TANC1: variants seen among roughly 807,000 people sequenced by gnomAD.
TANC1 encodes the protein tetratricopeptide repeat, ankyrin repeat and coiled-coil containing 1.
TANC1 carries 77 observed loss-of-function variants against 149.7 expected under a neutral mutation model. The ratio of observed to expected loss-of-function variants is 0.51; its 90% CI spans 0.43 to 0.62. TANC1 has a LOEUF of 0.62. TANC1 is among the 20% of genes least tolerant of loss of function. The pLI is 0.00. For missense variants in TANC1, 1,985 were observed against 2,321.8 expected, an observed-to-expected ratio of 0.85 and a Z score of 2.98; for synonymous variants, 854 against 925.0, an observed-to-expected ratio of 0.92 and a Z score of 1.39.
chr2:159,095,770 C>CTGTCCTATATGTCTCATATAAGGCATA (rs1370080137), intron 3 of TANC1, among the ~76,000 whole-genome samples: 1 of 150,126 alleles, frequency 6.7e-6, no homozygotes, highest in African/African-American at 2.5e-5. Flanking sequence ...AGGCATGTAC[C>CTGTCCTATATGTCTCATATAAGGCATA]TGTCCTATAT....
chr2:159,211,968 G>C (rs192076261), intron 19 of TANC1, among the ~76,000 whole-genome samples: 179 of 152,316 alleles, frequency 1.2e-3, no homozygotes, highest in African/African-American at 4.0e-3. Context: ...CTCGCCCCTT[G>C]TCAGTTGCTC....
At chr2:159,111,440 C>T (rs564889767) in intron 4 of TANC1, among the ~76,000 whole-genome samples, 3 of 152,278 alleles carry the variant, frequency 2.0e-5, no homozygotes, top group Admixed American at 6.5e-5. Flanking sequence ...GTCAGGTTAC[C>T]CTTGAACATC....
intron 19 of TANC1, among the ~76,000 whole-genome samples, chr2:159,207,987 T>C (rs2058742096): frequency 6.6e-6 from 1 of 152,160 alleles, no homozygotes; most frequent in African/African-American, 2.4e-5. Flanking sequence ...GTCCATTCAG[T>C]TGCTTGGGTT....
At chr2:159,053,416 C>T (rs1248457323) in intron 2 of TANC1, among the ~76,000 whole-genome samples, 1 of 152,174 alleles carries the variant, frequency 6.6e-6, no homozygotes, top group Non-Finnish European at 1.5e-5. Flanking sequence ...GAGGAGAGCG[C>T]AGTGATGCAT....
At chr2:158,984,389 TG>T (rs1034870328) in intron 1 of TANC1, among the ~76,000 whole-genome samples, 6 of 152,230 alleles carry the variant, frequency 3.9e-5, no homozygotes, top group Non-Finnish European at 7.3e-5. Context: ...AAGGCTTTTT[TG>T]CTTCCTTCAT....
chr2:159,149,335 T>C, intron 6 of TANC1, 63 bp downstream of exon 6: 1 of 1,605,514 alleles, frequency 6.2e-7, no homozygotes, highest in Non-Finnish European at 8.5e-7. Context: ...GCAATAACCA[T>C]CTTCTCCCTT....
chr2:159,175,063 C>T lies in TANC1; in HGVS notation c.1614C>T (p.Tyr538=), dbSNP rs1432816807. Residue 538 remains tyrosine, a synonymous_variant, in exon 12 of 27, where the codon TAC becomes TAT. Transcript: ENST00000263635. ...LLCRSHQLAA[Y]RDLLIKEPQL... is the part of the protein sequence containing the mutation. Reference sequence around the variant, plus strand: ...GCCGGTCCCATCAGCTGGCCGCCTACAGAGACCTTCTGATAAAGGAGCCCC... The same window carrying T: ...GCCGGTCCCATCAGCTGGCCGCCTATAGAGACCTTCTGATAAAGGAGCCCC... 2.5e-6 allele frequency: 4 copies of T among 1,614,118 alleles called. No individual in the cohort carries two copies. The highest frequency in any genetic ancestry group is 2.5e-6 in the Non-Finnish European group (3 of 1,180,040).
intron 2 of TANC1, among the ~76,000 whole-genome samples, chr2:159,044,461 G>A (rs932717898): frequency 7.2e-5 from 11 of 152,016 alleles, no homozygotes; most frequent in African/African-American, 7.2e-5. Flanking sequence ...GAGGTTTGGC[G>A]AGGCTGGAGG....
At chr2:159,213,122 A>T in intron 19 of TANC1, among the ~76,000 whole-genome samples, 1 of 152,118 alleles carries the variant, frequency 6.6e-6, no homozygotes, top group Non-Finnish European at 1.5e-5. Context: ...TTTGTCTTAC[A>T]AGAGGATAAC....
chr2:159,196,937 C>G, intron 18 of TANC1, 144 bp downstream of exon 18: 1 of 702,414 alleles, frequency 1.4e-6, no homozygotes, highest in Non-Finnish European at 2.3e-6. Flanking sequence ...CTTCTATGGG[C>G]ACCACATCCT....
At position 159,194,973 on chromosome 2, in the gene TANC1, G is replaced by A. The variant is rs140019711; in HGVS notation, c.2979+480G>A. On this transcript the variant is annotated intron_variant, in intron 17 of 26. Transcript: ENST00000263635. ...CATCTTTCCACTTGCCAGCCCTAGG[G>A]TATTGGGCAAGTTATTGAGCCTATA... Among the ~76,000 whole-genome samples the A allele has an allele frequency of 2.9e-3, 437 of 152,248 alleles. 2 individuals are homozygous for A. The highest frequency in any genetic ancestry group is 5.1e-3 in the Non-Finnish European group (349 of 68,026).
At chr2:159,128,616 G>T (rs732788) in intron 4 of TANC1, among the ~76,000 whole-genome samples, 2,945 of 152,208 alleles carry the variant, frequency 0.019, 111 homozygotes, top group African/African-American at 0.066. Flanking sequence ...TCTGTCCCCC[G>T]AGCCGTGCCT....
chr2:158,975,590 G>A (rs989539836), intron 1 of TANC1, among the ~76,000 whole-genome samples: 3 of 147,624 alleles, frequency 2.0e-5, no homozygotes, highest in South Asian at 2.2e-4. Flanking sequence ...TTTTTTTGTC[G>A]GTGTCAGGGG....
At chr2:159,087,155 G>T (rs1043466941) in intron 3 of TANC1, among the ~76,000 whole-genome samples, 2 of 151,856 alleles carry the variant, frequency 1.3e-5, no homozygotes, top group Admixed American at 6.6e-5. Context: ...CAAAAAGCCC[G>T]TTCCTGAAAG....
chr2:159,155,253 CAAAG>C (rs1239551031), intron 7 of TANC1, among the ~76,000 whole-genome samples: 3 of 152,120 alleles, frequency 2.0e-5, no homozygotes, highest in African/African-American at 7.2e-5. Context: ...TGAGAAGAAA[CAAAG>C]AAAACCCAGC....
intron 4 of TANC1, among the ~76,000 whole-genome samples, chr2:159,112,804 C>T (rs2047880541): frequency 6.6e-6 from 1 of 152,056 alleles, no homozygotes; most frequent in Non-Finnish European, 1.5e-5. Flanking sequence ...TGCTCTCAAA[C>T]TCCTAGCCTC....
chr2:158,978,911 G>A (rs1266624508), intron 1 of TANC1, among the ~76,000 whole-genome samples: 3 of 152,168 alleles, frequency 2.0e-5, no homozygotes, highest in African/African-American at 7.2e-5. Flanking sequence ...CTCCTTAGAG[G>A]CAAGGGAACA....
At chr2:159,165,854 G>A (rs185897817) in intron 8 of TANC1, among the ~76,000 whole-genome samples, 39 of 152,240 alleles carry the variant, frequency 2.6e-4, no homozygotes, top group Non-Finnish European at 4.7e-4. Flanking sequence ...TCCTCATGGG[G>A]CTGGCCCCTA....
chr2:158,975,153 T>G (rs770277878), intron 1 of TANC1, among the ~76,000 whole-genome samples: 11 of 152,170 alleles, frequency 7.2e-5, no homozygotes, highest in Non-Finnish European at 1.0e-4. Context: ...ATTTATATTT[T>G]TATTGTATTT....
Sources: gnomAD v4.1 joint callset for allele counts (sites outside exome capture counted in the v4.1 genomes callset) on GRCh38, gnomAD v4.1.1 for gene constraint, MANE v1.5 for transcripts, NCBI Gene and HGNC (gene_info 2026-07-23, HGNC 2026-07-21) for gene names.